CAPN3: variants seen among roughly 807,000 people sequenced by gnomAD.
CAPN3 encodes the protein calpain 3, also known as calpain-3.
A neutral mutation model predicts 114.0 loss-of-function variants in CAPN3; 88 were observed. The observed-to-expected ratio is 0.77, with a 90% CI of 0.65 to 0.92. CAPN3 has a LOEUF of 0.92. CAPN3 is among the 40% of genes least tolerant of loss of function. CAPN3 has a pLI of 0.00. For missense variants in CAPN3, 1,028 were observed against 1,069.0 expected, an observed-to-expected ratio of 0.96 and a Z score of 0.53; for synonymous variants, 386 against 382.9, an observed-to-expected ratio of 1.01 and a Z score of -0.09.
At chr15:42,390,176 A>C (rs2053518525) in intron 6 of CAPN3, 80 bp downstream of exon 6, 28 of 1,520,814 alleles carry the variant, frequency 1.8e-5, no homozygotes, top group Non-Finnish European at 2.5e-5. Context: ...GACTCCCCTC[A>C]GCAGCCAGGG....
rs556888243 is a variant in CAPN3 at position 42,370,963 on chromosome 15, T to C, written c.309+10849T>C. Among the ~76,000 whole-genome samples, 4 of 152,332 alleles carry C rather than the reference T, an allele frequency of 2.6e-5. No individual in the cohort carries two copies. In the East Asian group the frequency reaches 5.8e-4, roughly 22 times the overall value. On this transcript the variant is annotated intron_variant, in intron 1 of 23. Transcript: ENST00000397163. Reference sequence around the variant, plus strand: ...AAATCCCAGCTCCACCGATTAACGATGTGACCTCAGGCAAATTATTGACCA... The same window carrying C: ...AAATCCCAGCTCCACCGATTAACGACGTGACCTCAGGCAAATTATTGACCA...
At chr15:42,367,160 G>A (rs1177433553) in intron 1 of CAPN3, among the ~76,000 whole-genome samples, 2 of 152,150 alleles carry the variant, frequency 1.3e-5, no homozygotes, top group Non-Finnish European at 2.9e-5. Context: ...CCGAGTGCTT[G>A]TGAAACTTCT....
chr15:42,410,283 A>T (rs925904975), intron 19 of CAPN3, 145 bp from the exon 20 acceptor site: 1 of 844,464 alleles, frequency 1.2e-6, no homozygotes, highest in African/African-American at 1.7e-5. Context: ...GAGTAGGCGC[A>T]ATCTCTGACT....
chr15:42,404,372 A>G (rs1482924591), intron 14 of CAPN3: 2 of 456,436 alleles, frequency 4.4e-6, no homozygotes, highest in African/African-American at 4.0e-5. Flanking sequence ...CTTACAAGGT[A>G]CTTTTCACAT....
At chr15:42,407,291 A>G (rs527623810) in intron 15 of CAPN3, among the ~76,000 whole-genome samples, 1 of 152,238 alleles carries the variant, frequency 6.6e-6, no homozygotes, top group East Asian at 1.9e-4. Context: ...GGGAAAGCAG[A>G]TTTTACCATT....
At chr15:42,388,879 G>T in intron 4 of CAPN3, 49 bp from the exon 5 acceptor site, 1 of 1,579,502 alleles carries the variant, frequency 6.3e-7, no homozygotes, top group Non-Finnish European at 8.7e-7. Flanking sequence ...CCTGGGTTTT[G>T]TTCCCTGGAA....
In CAPN3 at chr15:42,412,228, T is replaced by C. The variant is rs1191156040; in HGVS notation, c.*455T>C. 2.0e-6 allele frequency: 3 copies of C among 1,520,194 alleles called. No homozygotes were observed. Among genetic ancestry groups the C allele is most frequent in the South Asian group, 1.2e-5 (1 of 83,240 alleles). The allele number at this position is 1,520,194 out of a possible 1,614,324, so 94.2% of individuals were successfully genotyped here. ...TGTGGGGTAAACTAACTCAGTGGAA[T>C]AGGGCTGGTTACTTTGGGCTGTCCA... is the stretch of plus-strand genomic sequence containing the variant. On this transcript the variant is annotated 3_prime_UTR_variant, in exon 24 of 24. Transcript: ENST00000397163.
chr15:42,409,637 G>C, intron 17 of CAPN3, 150 bp from the exon 18 acceptor site: 1 of 876,570 alleles, frequency 1.1e-6, no homozygotes, highest in Non-Finnish European at 1.9e-6. Context: ...CTGGCCCCCT[G>C]TCTTCCTCAG....
intron 1 of CAPN3, among the ~76,000 whole-genome samples, chr15:42,360,727 G>A (rs2052620445): frequency 6.6e-6 from 1 of 152,148 alleles, no homozygotes; most frequent in Non-Finnish European, 1.5e-5. Flanking sequence ...AGGCACACTA[G>A]AGTGAAATAT....
chr15:42,396,306 G>A (rs954063925), intron 8 of CAPN3, among the ~76,000 whole-genome samples: 4 of 149,828 alleles, frequency 2.7e-5, no homozygotes, highest in Admixed American at 1.3e-4. Context: ...GCAATGGCGC[G>A]ATCTTGGCTC....
chr15:42,385,596 A>G, intron 2 of CAPN3: 3 of 506,708 alleles, frequency 5.9e-6, no homozygotes, highest in South Asian at 4.3e-5. Flanking sequence ...TACATACAGT[A>G]CTCTGTCAGA....
Position 42,411,956 on chromosome 15 carries a change from C to A in CAPN3, c.*183C>A. On this transcript the variant is annotated 3_prime_UTR_variant, in exon 24 of 24. Transcript: ENST00000397163. ...CCATCCTTGATCGGTCATGCCTAGC[C>A]TGACCCTTTAGTAAAGCAATGAGGT... is the stretch of plus-strand genomic sequence containing the variant. 6.6e-7 allele frequency: 1 copy of A among 1,524,660 alleles called. No homozygotes were observed. Among genetic ancestry groups the A allele is most frequent in the South Asian group, 1.3e-5 (1 of 79,074 alleles). The allele number at this position is 1,524,660 out of a possible 1,614,324, so 94.4% of individuals were successfully genotyped here.
intron 1 of CAPN3, among the ~76,000 whole-genome samples, chr15:42,364,135 A>C (rs2052719919): frequency 6.6e-6 from 1 of 152,120 alleles, no homozygotes; most frequent in African/African-American, 2.4e-5. Context: ...CAGCCTCTAT[A>C]AGTTGGAGAT....
At chr15:42,363,387 G>C (rs1371736258) in intron 1 of CAPN3, among the ~76,000 whole-genome samples, 1 of 152,196 alleles carries the variant, frequency 6.6e-6, no homozygotes, top group Non-Finnish European at 1.5e-5. Context: ...CTGGGATGCT[G>C]GTGCCCAATA....
chr15:42,382,881 G>C (rs2053287429), intron 1 of CAPN3, among the ~76,000 whole-genome samples: 1 of 152,170 alleles, frequency 6.6e-6, no homozygotes, highest in Admixed American at 6.5e-5. Flanking sequence ...AGCTTTTACA[G>C]ATGGCTTTTT....
intron 10 of CAPN3, among the ~76,000 whole-genome samples, chr15:42,400,014 G>C (rs1183222940): frequency 1.3e-5 from 2 of 152,162 alleles, no homozygotes; most frequent in African/African-American, 2.4e-5. Context: ...ACTGACCTTA[G>C]CCTAAAGTTG....
At chr15:42,403,887 C>G (rs1393395744) in intron 14 of CAPN3, 110 bp downstream of exon 14, 1 of 978,152 alleles carries the variant, frequency 1.0e-6, no homozygotes, top group Non-Finnish European at 1.6e-6. Flanking sequence ...GAATGGGAGT[C>G]TGGGCTGTGC....
chr15:42,409,644 T>C, intron 17 of CAPN3, 143 bp from the exon 18 acceptor site: 1 of 898,774 alleles, frequency 1.1e-6, no homozygotes, highest in South Asian at 1.3e-5. Context: ...CCTGTCTTCC[T>C]CAGAAAAGCC....
At chr15:42,409,254 C>T in intron 16 of CAPN3, 49 bp from the exon 17 acceptor site, 1 of 1,570,440 alleles carries the variant, frequency 6.4e-7, no homozygotes, top group Non-Finnish European at 8.8e-7. Context: ...CCTCACAGGC[C>T]TGTGCACCTC....
Sources: allele counts gnomAD v4.1 joint callset (sites outside exome capture counted in the v4.1 genomes callset), GRCh38; gene constraint gnomAD v4.1.1; transcripts MANE v1.5; gene names NCBI Gene and HGNC (gene_info 2026-07-23, HGNC 2026-07-21).